Variants in IKZF1 observed in about 807,000 individuals in gnomAD.
IKZF1 encodes the protein DNA-binding protein Ikaros.
Under a neutral mutation model 51.7 loss-of-function variants are expected in IKZF1, and 10 were observed. The ratio of observed to expected loss-of-function variants is 0.19; its 90% CI spans 0.12 to 0.33. IKZF1 has a LOEUF of 0.33. Ranked by LOEUF, IKZF1 falls within the 10% of genes least tolerant of loss-of-function variation. The pLI is 1.00. For synonymous variants in IKZF1, 280 were observed against 282.3 expected, an observed-to-expected ratio of 0.99 and a Z score of 0.08; for missense variants, 484 against 707.5, an observed-to-expected ratio of 0.68 and a Z score of 3.58.
At chr7:50,382,001 A>G (rs1811979409) in intron 4 of IKZF1, among the ~76,000 whole-genome samples, 1 of 152,242 alleles carries the variant, frequency 6.6e-6, no homozygotes, top group Admixed American at 6.5e-5. Context: ...GGGAAAATAC[A>G]GGGAAAATGT....
At chr7:50,384,826 C>T (rs184910575) in intron 5 of IKZF1, among the ~76,000 whole-genome samples, 2 of 152,360 alleles carry the variant, frequency 1.3e-5, no homozygotes, top group African/African-American at 4.8e-5. Context: ...AGCACCACTT[C>T]CCATGTCAGT....
At chr7:50,387,265 A>T (rs1161893093) in intron 5 of IKZF1, 80 bp from the exon 6 acceptor site, 18 of 1,455,988 alleles carry the variant, frequency 1.2e-5, no homozygotes, top group African/African-American at 2.9e-5. Flanking sequence ...TTTTTTGGTA[A>T]TAATTGTATT....
intron 1 of IKZF1, among the ~76,000 whole-genome samples, chr7:50,311,628 C>T (rs770129602): frequency 6.6e-6 from 1 of 152,180 alleles, no homozygotes; most frequent in African/African-American, 2.4e-5. Flanking sequence ...TAATAGAAGT[C>T]AAATGGCTTT....
chr7:50,378,582 T>G (rs80071925), intron 4 of IKZF1, among the ~76,000 whole-genome samples: 271 of 152,310 alleles, frequency 1.8e-3, no homozygotes, highest in African/African-American at 5.8e-3. Context: ...AAATTCTGGC[T>G]TACTAAATTG....
At chr7:50,349,878 A>G (rs1562798383) in intron 3 of IKZF1, among the ~76,000 whole-genome samples, 2 of 152,258 alleles carry the variant, frequency 1.3e-5, no homozygotes, top group Non-Finnish European at 2.9e-5. Context: ...GCTGAAACCT[A>G]TGAGCACCCT....
chr7:50,319,425 TAAAG>T (rs1484956803), intron 2 of IKZF1, among the ~76,000 whole-genome samples: 3 of 152,000 alleles, frequency 2.0e-5, no homozygotes, highest in Non-Finnish European at 4.4e-5. Context: ...TGATGGTACT[TAAAG>T]AGAGAGAGAG....
At chr7:50,353,177 A>T (rs568359891) in intron 3 of IKZF1, among the ~76,000 whole-genome samples, 1 of 152,372 alleles carries the variant, frequency 6.6e-6, no homozygotes, top group East Asian at 1.9e-4. Flanking sequence ...CACAGGAGGC[A>T]GGGAGAGCAA....
chr7:50,335,009 GTA>G (rs1273757662), intron 3 of IKZF1, among the ~76,000 whole-genome samples: 1 of 150,830 alleles, frequency 6.6e-6, no homozygotes, highest in Non-Finnish European at 1.5e-5. Context: ...GGAGTGTGGT[GTA>G]TATGTGTGTA....
chr7:50,324,420 C>T (rs118091487), intron 2 of IKZF1, among the ~76,000 whole-genome samples: 3 of 152,290 alleles, frequency 2.0e-5, no homozygotes, highest in Non-Finnish European at 4.4e-5. Flanking sequence ...TCACTACCAT[C>T]CAGTTCTGAC....
chr7:50,311,356 A>G (rs1358113621), intron 1 of IKZF1, among the ~76,000 whole-genome samples: 3 of 152,204 alleles, frequency 2.0e-5, no homozygotes, highest in Non-Finnish European at 4.4e-5. Context: ...TTCTGTATTT[A>G]TATGTAGATT....
chr7:50,304,725 AGTGACTGCGCGGCCCGCGCCCGGGGCG>A lies in IKZF1; in HGVS notation c.-202_-176del. On this transcript the variant is annotated 5_prime_UTR_variant, in exon 1 of 8. Transcript: ENST00000331340. The stretch of plus-strand genomic sequence containing the variant: ...GCCAAGTTAGCAGGACACTCTAACA[AGTGACTGCGCGGCCCGCGCCCGGGGCG>A]GTGACTGCGGCAAGCCCCCTGGGTC... 1 of 151,976 alleles carries A rather than the reference AGTGACTGCGCGGCCCGCGCCCGGGGCG, an allele frequency of 6.6e-6. No individual in the cohort carries two copies. The highest frequency in any genetic ancestry group is 3.4e-3 in the Middle Eastern group (1 of 292). 9.4% of individuals were successfully genotyped at this position (151,976 alleles called of 1,614,324 possible). A position where few individuals can be genotyped will look rare whatever the true frequency, so the allele number is the denominator to read the frequency against.
At chr7:50,315,247 G>A (rs1791244907) in intron 1 of IKZF1, among the ~76,000 whole-genome samples, 1 of 152,194 alleles carries the variant, frequency 6.6e-6, no homozygotes, top group South Asian at 2.1e-4. Flanking sequence ...AAAGGGAGAC[G>A]GAGGGAGGGA....
chr7:50,387,300 G>T (rs1371698779), intron 5 of IKZF1, 45 bp from the exon 6 acceptor site: 2 of 1,592,592 alleles, frequency 1.3e-6, no homozygotes, highest in Non-Finnish European at 1.7e-6. Context: ...TACACAGAAG[G>T]CTGGCATTTA....
intron 3 of IKZF1, among the ~76,000 whole-genome samples, chr7:50,350,835 C>G (rs1048214766): frequency 6.6e-6 from 1 of 152,214 alleles, no homozygotes. Context: ...TCTGGTAGCG[C>G]TTTATCCCTG....
At chr7:50,356,698 G>A (rs1028458012) in intron 3 of IKZF1, among the ~76,000 whole-genome samples, 5 of 152,138 alleles carry the variant, frequency 3.3e-5, no homozygotes, top group East Asian at 1.9e-4. Flanking sequence ...CTGGTATCTC[G>A]CGGCGGCTTC....
intron 3 of IKZF1, among the ~76,000 whole-genome samples, chr7:50,348,047 G>A (rs1800826176): frequency 6.6e-6 from 1 of 152,178 alleles, no homozygotes; most frequent in Non-Finnish European, 1.5e-5. Flanking sequence ...ACATTTTAGT[G>A]TAACCAAAGT....
intron 3 of IKZF1, among the ~76,000 whole-genome samples, chr7:50,337,672 G>A (rs1798107258): frequency 1.3e-5 from 2 of 152,350 alleles, no homozygotes; most frequent in African/African-American, 4.8e-5. Context: ...TCTCAAAGAT[G>A]AGGGCAAATG....
intron 2 of IKZF1, among the ~76,000 whole-genome samples, chr7:50,322,053 A>T (rs1793508859): frequency 6.6e-6 from 1 of 152,208 alleles, no homozygotes; most frequent in Admixed American, 6.5e-5. Flanking sequence ...GAGAGCACTT[A>T]AAGAGTCATG....
In IKZF1 at chr7:50,404,250, C is replaced by T. The variant is rs150088851; in HGVS notation, c.*3623C>T. Reference sequence around the variant, plus strand: ...TTTAGGTCTTCAGCTGCCCTTCTGGCGAGTACATGCACAGGATTGTAAATG... The same window carrying T: ...TTTAGGTCTTCAGCTGCCCTTCTGGTGAGTACATGCACAGGATTGTAAATG... On this transcript the variant is annotated 3_prime_UTR_variant, in exon 8 of 8. Transcript: ENST00000331340. 2.3e-4 allele frequency: 50 copies of T among 218,472 alleles called. No individual in the cohort carries two copies. The highest frequency in any genetic ancestry group is 7.8e-4 in the African/African-American group (35 of 44,602). 13.5% of individuals were successfully genotyped at this position (218,472 alleles called of 1,614,324 possible). A position where few individuals can be genotyped will look rare whatever the true frequency, so the allele number is the denominator to read the frequency against.
Sources: allele counts gnomAD v4.1 joint callset (sites outside exome capture counted in the v4.1 genomes callset), GRCh38; gene constraint gnomAD v4.1.1; transcripts MANE v1.5; gene names NCBI Gene and HGNC (gene_info 2026-07-23, HGNC 2026-07-21).